ZRANB3: variants seen among roughly 807,000 people sequenced by gnomAD.
ZRANB3 encodes DNA annealing helicase and endonuclease ZRANB3.
Under a neutral mutation model 133.8 loss-of-function variants are expected in ZRANB3, and 125 were observed. The ratio of observed to expected loss-of-function variants is 0.93; its 90% CI spans 0.81 to 1.08. The LOEUF is 1.08. Ranked by LOEUF, ZRANB3 falls within the 50% of genes least tolerant of loss-of-function variation. The pLI is 0.00. For missense variants in ZRANB3, 1,229 were observed against 1,275.5 expected (o/e 0.96, Z 0.56); for synonymous variants, 387 against 432.7 (o/e 0.89, Z 1.31).
chr2:135,446,206 CAAA>C (rs200864291), intron 2 of ZRANB3, among the ~76,000 whole-genome samples: 2 of 98,848 alleles, frequency 2.0e-5, no homozygotes, highest in Non-Finnish European at 2.3e-5. Context: ...AACTCAATCT[CAAA>C]AAAAAAAAAA....
Position 135,208,878 on chromosome 2 carries a change from G to T in ZRANB3, c.2596C>A (p.Pro866Thr), listed in dbSNP as rs1163016748. The change falls in exon 18 of 21, where the codon CCT becomes ACT. Residue 866 changes from proline to threonine, a missense_variant. Physicochemically the swap from Pro to Thr is conservative, Grantham distance 38 (BLOSUM62 -1). Transcript: ENST00000264159. ...GTAGAAAAACCTTACTTTGTGAAAG[G>T]ATCCCGTGGCCTGGACTCCTTTGTG... ...LITKESRPRD[P>T]FTKKLLEDGA... 1.2e-6 allele frequency: 2 copies of T among 1,613,768 alleles called. No individual in the cohort carries two copies. The highest frequency in any genetic ancestry group is 2.2e-5 in the East Asian group (1 of 44,892).
chr2:135,272,327 A>T (rs903593010), intron 9 of ZRANB3, among the ~76,000 whole-genome samples: 11 of 152,260 alleles, frequency 7.2e-5, no homozygotes, highest in African/African-American at 2.4e-4. Context: ...AGAAAAGAGA[A>T]AGATGATTCT....
intron 12 of ZRANB3, among the ~76,000 whole-genome samples, chr2:135,232,013 G>A (rs547848374): frequency 1.9e-4 from 29 of 152,180 alleles, no homozygotes; most frequent in Non-Finnish European, 3.2e-4. Context: ...CCCGGGAAGC[G>A]CAAGGGGTCA....
chr2:135,206,861 T>C (rs1242493286), intron 19 of ZRANB3, among the ~76,000 whole-genome samples: 1 of 152,102 alleles, frequency 6.6e-6, no homozygotes, highest in Non-Finnish European at 1.5e-5. Context: ...TTTGGAATTT[T>C]CTTTAAAATA....
chr2:135,219,067 C>T lies in ZRANB3; in HGVS notation c.2352+10G>A, dbSNP rs373161154. ...GTAAATAAAGCCATTTTATTTAAAA[C>T]TATTCTTACCAGTGAGCGATATTGT... On this transcript the variant is annotated intron_variant, in intron 16 of 20. Transcript: ENST00000264159. 23 of 1,440,812 alleles carry T rather than the reference C, an allele frequency of 1.6e-5. No individual in the cohort carries two copies. Among genetic ancestry groups the T allele is most frequent in the Non-Finnish European group, 1.8e-6 (2 of 1,093,528 alleles). 89.3% of individuals were successfully genotyped at this position (1,440,812 alleles called of 1,614,324 possible). A position where few individuals can be genotyped will look rare whatever the true frequency, so the allele number is the denominator to read the frequency against.
At chr2:135,511,093 T>C (rs1435814947) in intron 1 of ZRANB3, 1 of 769,372 alleles carries the variant, frequency 1.3e-6, no homozygotes, top group Non-Finnish European at 2.4e-6. Flanking sequence ...TTAGACTCTG[T>C]ACAGGGCTGT....
At chr2:135,436,784 A>C (rs993067502) in intron 2 of ZRANB3, among the ~76,000 whole-genome samples, 1 of 149,758 alleles carries the variant, frequency 6.7e-6, no homozygotes, top group Non-Finnish European at 1.5e-5. Flanking sequence ...ATATGAAACC[A>C]AAAAAAAAGC....
chr2:135,422,900 T>C (rs1192832725), intron 2 of ZRANB3, among the ~76,000 whole-genome samples: 4 of 152,222 alleles, frequency 2.6e-5, no homozygotes, highest in African/African-American at 9.6e-5. Flanking sequence ...TACCACAAAG[T>C]GGGTGGTTTA....
intron 3 of ZRANB3, among the ~76,000 whole-genome samples, chr2:135,360,438 G>A (rs887333693): frequency 1.3e-5 from 2 of 151,888 alleles, no homozygotes; most frequent in African/African-American, 4.8e-5. Context: ...TGGGCACGGT[G>A]GCTCATGCCT....
At chr2:135,267,651 G>A (rs1465498305) in intron 11 of ZRANB3, among the ~76,000 whole-genome samples, 2 of 152,002 alleles carry the variant, frequency 1.3e-5, no homozygotes. Context: ...AGGTTTAACT[G>A]GAGAAGTTAT....
chr2:135,419,543 C>G (rs1688743572), intron 2 of ZRANB3, among the ~76,000 whole-genome samples: 1 of 151,898 alleles, frequency 6.6e-6, no homozygotes. Flanking sequence ...AGGGAGGTAA[C>G]AGAAAACAAG....
intron 4 of ZRANB3, among the ~76,000 whole-genome samples, chr2:135,352,311 G>A (rs1466061200): frequency 4.7e-5 from 7 of 149,478 alleles, no homozygotes; most frequent in Non-Finnish European, 1.0e-4. Context: ...CAGCCTGGGC[G>A]ATAGAGTGAC....
intron 6 of ZRANB3, among the ~76,000 whole-genome samples, chr2:135,337,513 G>A (rs770999261): frequency 7.9e-5 from 12 of 152,134 alleles, no homozygotes; most frequent in Non-Finnish European, 1.8e-4. Context: ...ATTTCCTAGT[G>A]GAGGGAAGGG....
At chr2:135,396,995 T>C (rs1558969063) in intron 2 of ZRANB3, among the ~76,000 whole-genome samples, 1 of 152,060 alleles carries the variant, frequency 6.6e-6, no homozygotes, top group Admixed American at 6.6e-5. Context: ...AGGTGTGTTA[T>C]CCACGCCTGT....
intron 2 of ZRANB3, among the ~76,000 whole-genome samples, chr2:135,425,491 G>A (rs535755166): frequency 6.6e-6 from 1 of 152,212 alleles, no homozygotes; most frequent in South Asian, 2.1e-4. Flanking sequence ...GTAAGAAAAA[G>A]AAATGACAGT....
chr2:135,456,299 A>G (rs1476536709), intron 2 of ZRANB3, among the ~76,000 whole-genome samples: 1 of 152,200 alleles, frequency 6.6e-6, no homozygotes, highest in Non-Finnish European at 1.5e-5. Flanking sequence ...GGTTTTGCCA[A>G]CACCTAGGTT....
At chr2:135,298,087 G>T (rs1682234522) in intron 8 of ZRANB3, among the ~76,000 whole-genome samples, 2 of 152,076 alleles carry the variant, frequency 1.3e-5, no homozygotes, top group African/African-American at 4.8e-5. Flanking sequence ...AATTAGCTGG[G>T]TGTGGTGGTG....
intron 2 of ZRANB3, among the ~76,000 whole-genome samples, chr2:135,492,305 T>C (rs1251786618): frequency 6.6e-6 from 1 of 152,182 alleles, no homozygotes; most frequent in African/African-American, 2.4e-5. Context: ...CATAAAAATT[T>C]ATCTAAAGGT....
chr2:135,269,402 A>G (rs979959096), intron 10 of ZRANB3, among the ~76,000 whole-genome samples: 2 of 152,174 alleles, frequency 1.3e-5, no homozygotes, highest in East Asian at 3.9e-4. Context: ...AAACTAAATC[A>G]CTTTATTCTC....
Sources: gnomAD v4.1 joint callset for allele counts (sites outside exome capture counted in the v4.1 genomes callset) on GRCh38, gnomAD v4.1.1 for gene constraint, MANE v1.5 for transcripts, NCBI Gene and HGNC (gene_info 2026-07-23, HGNC 2026-07-21) for gene names.